MIOS: variants seen among roughly 807,000 people sequenced by gnomAD.
MIOS encodes meiosis regulator for oocyte development, also known as GATOR2 complex protein MIOS.
A neutral mutation model predicts 96.9 loss-of-function variants in MIOS; 52 were observed. That is an observed-to-expected ratio of 0.54 (90% confidence interval 0.43 to 0.68). The LOEUF (loss-of-function observed/expected upper bound fraction) is 0.68, where lower values mean the gene tolerates loss of function less well. Among genes scored for constraint, MIOS ranks in the 30% least tolerant of loss-of-function variants. The pLI, the probability that MIOS is intolerant of heterozygous loss-of-function variation, is 0.00. For synonymous variants in MIOS, 397 were observed against 359.5 expected, an observed-to-expected ratio of 1.10 and a Z score of -1.18; for missense variants, 1,005 against 1,052.8, an observed-to-expected ratio of 0.95 and a Z score of 0.63.
In MIOS at chr7:7,573,758, A is replaced by G; in HGVS notation, c.1283A>G (p.Tyr428Cys). Residue 428 changes from tyrosine (Y) to cysteine (C), a missense_variant, in exon 4 of 13, where the codon TAT becomes TGT. Tyr to Cys is a radical substitution (Grantham distance 194). Coordinates refer to ENST00000340080, the MANE Select transcript of MIOS (RefSeq NM_019005.4). This position sits in a 1 kb window ranked among gnomAD's most constrained non-coding sequence, Gnocchi z 5.0. ...NEDPQLKSLW[Y>C]TLHFMKQYTE... is the part of the protein sequence containing the mutation. ...GATCCACAGCTCAAGTCACTCTGGT[A>G]TACTCTGCACTATATCCTTTTCATT... 4 of 1,601,478 alleles carry G rather than the reference A, an allele frequency of 2.5e-6. No homozygotes were observed. Among genetic ancestry groups the G allele is most frequent in the Non-Finnish European group, 3.4e-6 (4 of 1,173,614 alleles).
At chr7:7,601,921 C>T (rs1249614084) in intron 11 of MIOS, among the ~76,000 whole-genome samples, 3 of 152,026 alleles carry the variant, frequency 2.0e-5, no homozygotes, top group African/African-American at 2.4e-5. Flanking sequence ...GTTCAACATA[C>T]GAAAATCAAT....
At chr7:7,606,157 G>T in intron 12 of MIOS, 86 bp downstream of exon 12, 1 of 1,504,970 alleles carries the variant, frequency 6.6e-7, no homozygotes, top group Non-Finnish European at 9.0e-7. Flanking sequence ...TTATCTATTA[G>T]CATTTAGCCA....
intron 9 of MIOS, among the ~76,000 whole-genome samples, chr7:7,590,870 C>A (rs1357371244): frequency 6.6e-6 from 1 of 152,186 alleles, no homozygotes; most frequent in Admixed American, 6.5e-5. Flanking sequence ...GTCACTCTGA[C>A]ACTTTCTGGG....
Position 7,585,628 on chromosome 7 carries a change from A to C in MIOS, c.1649-8A>C. 6.4e-7 allele frequency: 1 copy of C among 1,567,770 alleles called. No homozygotes were observed. The highest frequency in any genetic ancestry group is 1.4e-5 in the African/African-American group (1 of 72,474). ...CACTTTGATTAGCTGGCTGTTTTTA[A>C]TATGCAGGAGATCTGAATCTCAATG... On this transcript the variant is annotated splice_region_variant and splice_polypyrimidine_tract_variant and intron_variant, in intron 6 of 12. Transcript: ENST00000340080.
At chr7:7,576,166 C>T (rs2115367991) in intron 5 of MIOS, among the ~76,000 whole-genome samples, 1 of 152,160 alleles carries the variant, frequency 6.6e-6, no homozygotes, top group Admixed American at 6.5e-5. Context: ...GTTGCTTTTC[C>T]CATGTTACTT....
intron 5 of MIOS, 180 bp from the exon 6 acceptor site, chr7:7,582,938 C>T (rs1783776539): frequency 2.9e-6 from 2 of 692,938 alleles, no homozygotes; most frequent in Non-Finnish European, 4.4e-6. Context: ...CAAGGAGCTA[C>T]TGTACTTAAA....
chr7:7,594,890 CTG>C (rs1784159712), intron 9 of MIOS, 88 bp from the exon 10 acceptor site: 2 of 635,020 alleles, frequency 3.1e-6, no homozygotes, highest in African/African-American at 2.0e-5. Flanking sequence ...CCTATTTCTT[CTG>C]TGTTACTCAT....
intron 5 of MIOS, among the ~76,000 whole-genome samples, chr7:7,579,508 C>A (rs1369907853): frequency 6.6e-6 from 1 of 152,018 alleles, no homozygotes; most frequent in South Asian, 2.1e-4. Context: ...AAATACTTAC[C>A]ATTGTGTTAG....
At chr7:7,570,071 A>G (rs1361346019) in intron 3 of MIOS, among the ~76,000 whole-genome samples, 7 of 152,136 alleles carry the variant, frequency 4.6e-5, no homozygotes, top group Non-Finnish European at 1.0e-4. Context: ...AAAGATTTTT[A>G]CTCTGGTATT....
At position 7,583,314 on chromosome 7, in the gene MIOS, C is replaced by T. The variant is rs377331148; in HGVS notation, c.1590C>T (p.Phe530=). The part of the protein sequence containing the change: ...EWERAAAVAL[F]NLDIRRAIQI... ...AAAGAGCTGCTGCTGTGGCATTGTT[C>T]AACTTGGATATTCGCCGAGCAATCC... Residue 530 remains phenylalanine, a synonymous_variant, in exon 6 of 13, where the codon TTC becomes TTT. Transcript: ENST00000340080. 5 of 1,613,754 alleles carry T rather than the reference C, an allele frequency of 3.1e-6. No individual in the cohort carries two copies. Among genetic ancestry groups the T allele is most frequent in the Admixed American group, 1.7e-5 (1 of 59,998 alleles).
Position 7,568,814 on chromosome 7 carries a change from C to G in MIOS, c.-41+691C>G, listed in dbSNP as rs80308128. ...TGTGAAATTAGAAGATTTAGCTAGT[C>G]TTTTTCTCTCAAGTTTTGATTCTGT... On this transcript the variant is annotated intron_variant, in intron 3 of 12. Coordinates refer to ENST00000340080, the MANE Select transcript of MIOS (RefSeq NM_019005.4). Among the ~76,000 whole-genome samples the G allele has an allele frequency of 4.8e-3, 738 of 152,266 alleles. 3 individuals carry two copies. Among genetic ancestry groups the G allele is most frequent in the African/African-American group, 0.017 (690 of 41,548 alleles).
At chr7:7,594,938 G>A (rs776614645) in intron 9 of MIOS, 42 bp from the exon 10 acceptor site, 1 of 1,513,586 alleles carries the variant, frequency 6.6e-7, no homozygotes, top group African/African-American at 1.4e-5. Context: ...GGCCTAGCCA[G>A]GAGATTTTAA....
At chr7:7,593,333 A>G (rs1784103338) in intron 9 of MIOS, among the ~76,000 whole-genome samples, 1 of 152,210 alleles carries the variant, frequency 6.6e-6, no homozygotes, top group Non-Finnish European at 1.5e-5. Context: ...CACTGAATTT[A>G]ATAGATGAAA....
At chr7:7,595,442 T>A (rs1347156968) in intron 10 of MIOS, among the ~76,000 whole-genome samples, 4 of 152,250 alleles carry the variant, frequency 2.6e-5, no homozygotes, top group Non-Finnish European at 4.4e-5. Context: ...TTAAGTTTTT[T>A]AGCATTATTT....
chr7:7,608,942 T>G (rs188998876), downstream of MIOS: 35 of 152,144 alleles, frequency 2.3e-4, no homozygotes, highest in African/African-American at 8.2e-4. Context: ...ACATGCAGTT[T>G]ATGTCTCTGG....
chr7:7,575,618 G>C (rs1024475456), intron 5 of MIOS, among the ~76,000 whole-genome samples: 1 of 152,102 alleles, frequency 6.6e-6, no homozygotes, highest in Non-Finnish European at 1.5e-5. Flanking sequence ...TAGTGTTTTA[G>C]CTATATAGTA....
intron 11 of MIOS, among the ~76,000 whole-genome samples, chr7:7,600,498 G>A (rs911813294): frequency 6.6e-6 from 1 of 152,146 alleles, no homozygotes; most frequent in Non-Finnish European, 1.5e-5. Flanking sequence ...AAAGGGATCA[G>A]TTCAACACGA....
intron 3 of MIOS, among the ~76,000 whole-genome samples, chr7:7,569,161 G>A (rs533161918): frequency 1.3e-5 from 2 of 152,284 alleles, no homozygotes; most frequent in Admixed American, 6.5e-5. Flanking sequence ...TTCCTTTGTG[G>A]GGGTATGAGT....
intron 3 of MIOS, among the ~76,000 whole-genome samples, chr7:7,569,750 C>T (rs937664902): frequency 6.6e-6 from 1 of 151,970 alleles, no homozygotes; most frequent in Non-Finnish European, 1.5e-5. Flanking sequence ...AACCAGACCT[C>T]GACTAGGGAG....
Sources: gnomAD v4.1 joint callset for allele counts (sites outside exome capture counted in the v4.1 genomes callset) on GRCh38, gnomAD v4.1.1 for gene constraint, Gnocchi (gnomAD v3.1) non-coding constraint, MANE v1.5 for transcripts, NCBI Gene and HGNC (gene_info 2026-07-23, HGNC 2026-07-21) for gene names.